MARCO: variants seen among roughly 807,000 people sequenced by gnomAD.
MARCO encodes the protein macrophage receptor MARCO.
Under a neutral mutation model 70.0 loss-of-function variants are expected in MARCO, and 72 were observed. The observed-to-expected ratio is 1.03, with a 90% CI of 0.85 to 1.25. The LOEUF (loss-of-function observed/expected upper bound fraction) is 1.25. Among genes scored for constraint, MARCO ranks in the 50% most tolerant of loss-of-function variants. The pLI, the probability that MARCO is intolerant of heterozygous loss-of-function variation, is 0.00. For missense variants in MARCO, 696 were observed against 659.3 expected (o/e 1.06, Z -0.61); for synonymous variants, 273 against 243.1 (o/e 1.12, Z -1.14).
intron 1 of MARCO, among the ~76,000 whole-genome samples, chr2:118,948,124 G>T (rs1055454953): frequency 2.0e-5 from 3 of 152,140 alleles, no homozygotes; most frequent in African/African-American, 7.2e-5. Flanking sequence ...GATAATTGGT[G>T]CCAGGAAGAA....
intron 16 of MARCO, among the ~76,000 whole-genome samples, chr2:118,993,620 G>T (rs926199188): frequency 6.6e-6 from 1 of 152,202 alleles, no homozygotes; most frequent in Admixed American, 6.5e-5. Flanking sequence ...GGACAGCTGA[G>T]TTGATGCAAC....
intron 1 of MARCO, among the ~76,000 whole-genome samples, chr2:118,947,338 C>T (rs1208686434): frequency 6.6e-6 from 1 of 152,034 alleles, no homozygotes; most frequent in Non-Finnish European, 1.5e-5. Flanking sequence ...CACTATGTTG[C>T]CCAAGTTGGA....
intron 12 of MARCO, among the ~76,000 whole-genome samples, chr2:118,986,795 AAAG>A (rs1415574299): frequency 6.6e-6 from 1 of 151,840 alleles, no homozygotes; most frequent in Non-Finnish European, 1.5e-5. Flanking sequence ...AGAGAAAAGA[AAAG>A]AAAGGGAAAG....
At chr2:118,974,800 C>CG (rs752478856) in intron 6 of MARCO, among the ~76,000 whole-genome samples, 9 of 152,108 alleles carry the variant, frequency 5.9e-5, no homozygotes, top group Non-Finnish European at 1.2e-4. Flanking sequence ...TGGCCTTCAT[C>CG]CTAGATGGGG....
intron 8 of MARCO, among the ~76,000 whole-genome samples, chr2:118,978,294 G>A (rs1680325210): frequency 6.6e-6 from 1 of 152,150 alleles, no homozygotes; most frequent in African/African-American, 2.4e-5. Context: ...GAGACCCCAG[G>A]CAGCCAGAAT....
At chr2:118,977,962 G>A (rs1680319001) in intron 8 of MARCO, 27 bp downstream of exon 8, 1 of 1,521,112 alleles carries the variant, frequency 6.6e-7, no homozygotes, top group Non-Finnish European at 9.0e-7. Flanking sequence ...GGGTGTCGGT[G>A]CTTGCCAGGA....
At chr2:118,959,975 T>C (rs1472508534) in intron 1 of MARCO, among the ~76,000 whole-genome samples, 1 of 151,782 alleles carries the variant, frequency 6.6e-6, no homozygotes, top group Non-Finnish European at 1.5e-5. Flanking sequence ...GGGAGGGTGG[T>C]GACGGATAAA....
At chr2:118,983,318 G>A (rs1411524218) in intron 12 of MARCO, among the ~76,000 whole-genome samples, 1 of 148,862 alleles carries the variant, frequency 6.7e-6, no homozygotes, top group Non-Finnish European at 1.5e-5. Flanking sequence ...CCCGTGCTGT[G>A]CTAGAGACCT....
intron 12 of MARCO, among the ~76,000 whole-genome samples, chr2:118,986,598 A>G (rs535566160): frequency 7.5e-3 from 76 of 10,114 alleles, no homozygotes; most frequent in South Asian, 0.039. Context: ...AGAAAGAAAG[A>G]AAGAAAGAAA....
intron 1 of MARCO, among the ~76,000 whole-genome samples, chr2:118,959,534 G>T (rs1046660823): frequency 6.6e-6 from 1 of 152,160 alleles, no homozygotes; most frequent in Non-Finnish European, 1.5e-5. Flanking sequence ...TACACTGCTG[G>T]TAGGAATGTA....
At chr2:118,955,074 A>C (rs1188678306) in intron 1 of MARCO, among the ~76,000 whole-genome samples, 1 of 151,956 alleles carries the variant, frequency 6.6e-6, no homozygotes, top group Middle Eastern at 3.2e-3. Context: ...ACACTAGTTC[A>C]CCAGCAATGG....
chr2:118,978,886 C>T (rs147097125), intron 8 of MARCO, among the ~76,000 whole-genome samples: 21 of 152,114 alleles, frequency 1.4e-4, no homozygotes, highest in African/African-American at 3.4e-4. Context: ...TATCCTGTAA[C>T]GTAGAAAGGG....
At position 118,942,383 on chromosome 2, in the gene MARCO, C is replaced by T. The variant is rs148348624; in HGVS notation, c.83C>T (p.Pro28Leu). 2.6e-4 allele frequency: 416 copies of T among 1,612,472 alleles called. 3 individuals carry two copies. The African/African-American group carries it at 4.1e-3, about 16-fold the overall frequency. Residue 28 changes from proline to leucine, a missense_variant, in exon 1 of 17, where the codon CCT becomes CTT. Pro to Leu is a moderately conservative substitution (Grantham distance 98). Around this residue, in one of 3 missense-constraint regions of MARCO, gnomAD observed 605 missense variants for 537.6 expected, o/e 1.13. Transcript: ENST00000327097. The stretch of plus-strand genomic sequence containing the variant: ...GCTTTTCACCAAATTGCAATGGAGC[C>T]TTTCGAAATCAATGGTAAAGTACGA... The part of the protein sequence containing the change: ...QAAFHQIAME[P>L]FEINVPKPKR...
chr2:118,976,313 A>G (rs1049406137), intron 6 of MARCO, among the ~76,000 whole-genome samples: 4 of 152,134 alleles, frequency 2.6e-5, no homozygotes, highest in African/African-American at 7.2e-5. Flanking sequence ...TTCCATAGAG[A>G]GTGTGGAGTC....
chr2:118,986,805 A>G (rs1231890994), intron 12 of MARCO, among the ~76,000 whole-genome samples: 1 of 152,020 alleles, frequency 6.6e-6, no homozygotes, highest in Non-Finnish European at 1.5e-5. Context: ...AAAGAAAGGG[A>G]AAGAAAGAAA....
rs374036518 is a variant in MARCO, at chr2:118,974,416, G to A, written c.544G>A (p.Ala182Thr). ...GPPAEKGAKG[A>T]MGRDGATGPS... Reference sequence around the variant, plus strand: ...ACCTGCTGAGAAGGGAGCCAAGGGGGCTATGGGACGAGATGGAGCAACAGG... The same window carrying A: ...ACCTGCTGAGAAGGGAGCCAAGGGGACTATGGGACGAGATGGAGCAACAGG... The change falls in exon 5 of 17, where the codon GCT becomes ACT. Residue 182 changes from alanine (A) to threonine (T), a missense_variant. Ala to Thr is a moderately conservative substitution (Grantham distance 58). Transcript: ENST00000327097. 8.1e-6 allele frequency: 13 copies of A among 1,612,708 alleles called. No individual in the cohort carries two copies. The highest frequency in any genetic ancestry group is 2.7e-5 in the African/African-American group (2 of 74,908).
In MARCO at chr2:118,964,533, T is replaced by G. The variant is rs539787914; in HGVS notation, c.98-4627T>G. On this transcript the variant is annotated intron_variant, in intron 1 of 16. Transcript: ENST00000327097. ...AATTCTTCTTTTTCAGAACACAAAA[T>G]AAGCTGTACCACTTACATCTGTTCT... Among the ~76,000 whole-genome samples, 6 of 152,310 alleles carry G rather than the reference T, an allele frequency of 3.9e-5. No homozygotes were observed. The South Asian group carries it at 1.2e-3, about 32-fold the overall frequency.
At position 118,992,347 on chromosome 2, in the gene MARCO, C is replaced by T. The variant is rs116910998; in HGVS notation, c.1208-85C>T. On this transcript the variant is annotated intron_variant, in intron 14 of 16. Transcript: ENST00000327097. ...GAGCATCTGACCACTCCCAACCCTC[C>T]ACCCGCTCCCCACTCATGCAAATGC... The T allele has an allele frequency of 2.2e-4, 244 of 1,128,986 alleles. 4 individuals carry two copies. In the East Asian group the frequency reaches 4.4e-3, roughly 20 times the overall value. The allele number at this position is 1,128,986 out of a possible 1,614,324, so 69.9% of individuals were successfully genotyped here. A position where few individuals can be genotyped will look rare whatever the true frequency, so the allele number is the denominator to read the frequency against.
chr2:118,977,793 G>A (rs1248617046), intron 7 of MARCO, 35 bp from the exon 8 acceptor site: 2 of 1,528,372 alleles, frequency 1.3e-6, no homozygotes, highest in South Asian at 2.3e-5. Context: ...CAAAAGGATA[G>A]TGGGAGCCCA....
Sources: allele counts gnomAD v4.1 joint callset (sites outside exome capture counted in the v4.1 genomes callset), GRCh38; gene constraint gnomAD v4.1.1; regional missense constraint gnomAD v4.1.1; transcripts MANE v1.5; gene names NCBI Gene and HGNC (gene_info 2026-07-23, HGNC 2026-07-21).